TEAD4: variants seen among roughly 807,000 people sequenced by gnomAD.
TEAD4 encodes the protein TEA domain transcription factor 4.
A neutral mutation model predicts 52.4 loss-of-function variants in TEAD4; 36 were observed. The ratio of observed to expected loss-of-function variants is 0.69; its 90% CI spans 0.53 to 0.91. TEAD4 has a LOEUF of 0.91. Ranked by LOEUF, TEAD4 falls within the 40% of genes least tolerant of loss-of-function variation. The pLI is 0.00. For synonymous variants in TEAD4, 220 were observed against 231.0 expected, an observed-to-expected ratio of 0.95 and a Z score of 0.43; for missense variants, 508 against 583.9, an observed-to-expected ratio of 0.87 and a Z score of 1.34.
intron 2 of TEAD4, among the ~76,000 whole-genome samples, chr12:2,975,955 G>A (rs1285854679): frequency 6.6e-6 from 1 of 151,776 alleles, no homozygotes; most frequent in Non-Finnish European, 1.5e-5. Flanking sequence ...TCAGATTGGC[G>A]TCTCTCACTA....
intron 3 of TEAD4, among the ~76,000 whole-genome samples, chr12:2,996,701 C>G (rs146614561): frequency 0.011 from 1,598 of 152,180 alleles, 22 homozygotes; most frequent in African/African-American, 0.036. Flanking sequence ...TGAGCCACCG[C>G]ACCCAGCTTT....
intron 2 of TEAD4, among the ~76,000 whole-genome samples, chr12:2,962,812 CA>C (rs1382462237): frequency 6.6e-6 from 1 of 152,174 alleles, no homozygotes; most frequent in Non-Finnish European, 1.5e-5. Flanking sequence ...CCTAGAGGGA[CA>C]GTAACTTGCT....
Position 3,019,228 on chromosome 12 carries a change from G to A in TEAD4, c.583+58G>A, listed in dbSNP as rs894148279. On this transcript the variant is annotated intron_variant, in intron 8 of 12. Coordinates refer to ENST00000359864, the MANE Select transcript of TEAD4 (RefSeq NM_003213.4). ...GCAGCCATGTGGCTCCTGCCTCTGG[G>A]TCCAGGCCCCCGGCAGCCGAACGCC... 3.1e-6 allele frequency: 5 copies of A among 1,601,092 alleles called. No individual in the cohort carries two copies. In the South Asian group the frequency reaches 4.4e-5, roughly 14 times the overall value.
intron 3 of TEAD4, among the ~76,000 whole-genome samples, chr12:2,998,878 GC>G (rs1315939820): frequency 1.3e-5 from 2 of 152,174 alleles, no homozygotes; most frequent in Non-Finnish European, 2.9e-5. Flanking sequence ...GGCCCTGGAG[GC>G]TGTACTGCAG....
At chr12:2,987,497 C>T (rs376348001) in intron 2 of TEAD4, among the ~76,000 whole-genome samples, 5 of 151,928 alleles carry the variant, frequency 3.3e-5, no homozygotes, top group Admixed American at 6.6e-5. Flanking sequence ...TGCAGGGGCG[C>T]GATCTCAGCT....
At chr12:2,989,276 T>G (rs566129867) in intron 2 of TEAD4, among the ~76,000 whole-genome samples, 55 of 152,136 alleles carry the variant, frequency 3.6e-4, no homozygotes, top group Middle Eastern at 3.4e-3. Flanking sequence ...GATTGGTAAA[T>G]TCTCTATTAT....
At chr12:2,986,446 TG>T (rs1303373818) in intron 2 of TEAD4, among the ~76,000 whole-genome samples, 2 of 151,942 alleles carry the variant, frequency 1.3e-5, no homozygotes, top group Non-Finnish European at 1.5e-5. Context: ...GAGACCAGCC[TG>T]GCCAACATGG....
intron 2 of TEAD4, among the ~76,000 whole-genome samples, chr12:2,980,085 T>C (rs2098232920): frequency 1.3e-5 from 2 of 152,146 alleles, no homozygotes; most frequent in Admixed American, 6.5e-5. Context: ...AGGCCTGAGA[T>C]GTAGTTCTAG....
intron 2 of TEAD4, among the ~76,000 whole-genome samples, chr12:2,973,482 A>C (rs944235110): frequency 6.6e-6 from 1 of 152,190 alleles, no homozygotes; most frequent in African/African-American, 2.4e-5. Flanking sequence ...AGATGATGGG[A>C]GTGAGGAACT....
intron 2 of TEAD4, among the ~76,000 whole-genome samples, chr12:2,970,237 A>G (rs576448480): frequency 1.3e-5 from 2 of 152,246 alleles, no homozygotes; most frequent in African/African-American, 2.4e-5. Flanking sequence ...ACTTAACAAC[A>G]CGTCTCAATT....
In TEAD4 at chr12:3,020,718, A is replaced by G. The variant is rs957492113; in HGVS notation, c.668A>G (p.Lys223Arg). The change falls in exon 9 of 13, where the codon AAG becomes AGG. Residue 223 changes from lysine (K) to arginine (R), a missense_variant. Lys to Arg is a conservative substitution (Grantham distance 26, BLOSUM62 2). Transcript: ENST00000359864. ...CAGGGCCGCAGCGTGGCCAGCTCCA[A>G]GCTCTGGATGTTGGAGTTCTCTGCC... 6.2e-7 allele frequency: 1 copy of G among 1,609,196 alleles called. No individual in the cohort carries two copies. Among genetic ancestry groups the G allele is most frequent in the Non-Finnish European group, 8.5e-7 (1 of 1,177,768 alleles).
At chr12:3,013,359 C>G (rs1184211203) in intron 5 of TEAD4, among the ~76,000 whole-genome samples, 4 of 151,392 alleles carry the variant, frequency 2.6e-5, no homozygotes, top group Non-Finnish European at 4.4e-5. Flanking sequence ...CTGGTCAAAG[C>G]TAGGTTGGCA....
intron 9 of TEAD4, among the ~76,000 whole-genome samples, chr12:3,020,980 C>T (rs557964247): frequency 2.0e-5 from 3 of 152,216 alleles, no homozygotes; most frequent in South Asian, 2.1e-4. Context: ...GCTTCCTTTC[C>T]GTGTCCCAGC....
chr12:3,021,497 G>C (rs1055844352), intron 9 of TEAD4, among the ~76,000 whole-genome samples: 1 of 151,994 alleles, frequency 6.6e-6, no homozygotes, highest in African/African-American at 2.4e-5. Flanking sequence ...TTTTAGTAGA[G>C]ACTGGGTTTC....
intron 2 of TEAD4, among the ~76,000 whole-genome samples, chr12:2,974,914 A>G (rs1200566911): frequency 6.6e-6 from 1 of 152,122 alleles, no homozygotes; most frequent in Non-Finnish European, 1.5e-5. Context: ...TGCTTCTGTT[A>G]GTCACTCCCG....
intron 10 of TEAD4, among the ~76,000 whole-genome samples, chr12:3,029,560 T>A (rs1332849268): frequency 2.6e-5 from 4 of 152,012 alleles, no homozygotes; most frequent in Admixed American, 6.6e-5. Context: ...TTTATTTAAA[T>A]TTTTTATAGA....
intron 10 of TEAD4, among the ~76,000 whole-genome samples, chr12:3,033,143 C>T (rs1023170537): frequency 1.5e-4 from 23 of 152,182 alleles, no homozygotes. Context: ...TCAGAACCCC[C>T]TTGGAGTGGG....
intron 2 of TEAD4, among the ~76,000 whole-genome samples, chr12:2,980,895 A>C (rs972110194): frequency 6.6e-6 from 1 of 152,230 alleles, no homozygotes; most frequent in African/African-American, 2.4e-5. Context: ...CATGATGGGC[A>C]GGAGGCAGCT....
intron 2 of TEAD4, among the ~76,000 whole-genome samples, chr12:2,971,651 AT>A (rs1359316533): frequency 2.7e-5 from 4 of 149,242 alleles, no homozygotes; most frequent in Non-Finnish European, 5.9e-5. Flanking sequence ...AATTTTTTGT[AT>A]TTTTAGTAGA....
Sources: allele counts gnomAD v4.1 joint callset (sites outside exome capture counted in the v4.1 genomes callset), GRCh38; gene constraint gnomAD v4.1.1; transcripts MANE v1.5; gene names NCBI Gene and HGNC (gene_info 2026-07-23, HGNC 2026-07-21).